NTRK1: variants seen among roughly 807,000 people sequenced by gnomAD.
The protein encoded by NTRK1 is high affinity nerve growth factor receptor.
Under a neutral mutation model 86.8 loss-of-function variants are expected in NTRK1, and 62 were observed. That is an observed-to-expected ratio of 0.71 (90% CI 0.58 to 0.88). The LOEUF is 0.88. Among genes scored for constraint, NTRK1 ranks in the 40% least tolerant of loss-of-function variants. The pLI, the probability that NTRK1 is intolerant of heterozygous loss-of-function variation, is 0.00. For missense variants in NTRK1, 967 were observed against 1,078.4 expected (o/e 0.90, Z 1.45); for synonymous variants, 469 against 456.6 (o/e 1.03, Z -0.35).
intron 7 of NTRK1, among the ~76,000 whole-genome samples, chr1:156,873,354 C>A (rs1173320631): frequency 1.3e-5 from 2 of 152,152 alleles, no homozygotes; most frequent in Admixed American, 6.5e-5. Flanking sequence ...AAGCTGATAC[C>A]CCACTCCTGT....
chr1:156,858,145 TC>T (rs1160589467), upstream of NTRK1, among the ~76,000 whole-genome samples: 2 of 152,184 alleles, frequency 1.3e-5, no homozygotes, highest in African/African-American at 4.8e-5. Context: ...CAACATTGCC[TC>T]CATTACTTAA....
At position 156,879,908 on chromosome 1, in the gene NTRK1, A is replaced by G. The variant is rs151288310; in HGVS notation, c.2047-91A>G. 3,703 of 1,531,068 alleles carry G rather than the reference A, an allele frequency of 2.4e-3. 79 individuals carry two copies. In the African/African-American group the frequency reaches 0.045, roughly 19 times the overall value. 94.8% of individuals were successfully genotyped at this position (1,531,068 alleles called of 1,614,324 possible). A position where few individuals can be genotyped will look rare whatever the true frequency, so the allele number is the denominator to read the frequency against. ...CAGGCGTGAACCACCGAGCTTGTGT[A>G]TTTATTTTTAATGATGGGGCTGGGG... is the stretch of plus-strand genomic sequence containing the variant. On this transcript the variant is annotated intron_variant, in intron 15 of 16. Transcript: ENST00000524377.
intron 1 of NTRK1, chr1:156,815,888 C>A (rs1653863344): frequency 6.2e-7 from 1 of 1,613,652 alleles, no homozygotes; most frequent in East Asian, 2.2e-5. Context: ...CGTTGGCAGA[C>A]CCGGATCATT....
At chr1:156,860,736 G>A, upstream of NTRK1, 2 of 1,059,078 alleles carry the variant, frequency 1.9e-6, no homozygotes, top group Non-Finnish European at 2.5e-6. Context: ...AGGGGAGGGG[G>A]CAGAGGGGGG....
Position 156,849,158 on chromosome 1 carries a change from A to G in NTRK1, c.50+6965A>G, listed in dbSNP as rs551457654. 4 of 1,599,898 alleles carry G rather than the reference A, an allele frequency of 2.5e-6. No individual in the cohort carries two copies. In the Admixed American group the frequency reaches 6.7e-5, roughly 27 times the overall value. ...GAGACCTCTGAGGAGAACTTCTCAG[A>G]GTGTCCCCCTCGAGCTTTCTCCCTC... On this transcript the variant is annotated intron_variant, in intron 2 of 16. Coordinates refer to the NTRK1 transcript ENST00000392302.
intron 6 of NTRK1, among the ~76,000 whole-genome samples, chr1:156,870,882 A>G (rs528511506): frequency 1.7e-4 from 26 of 152,246 alleles, no homozygotes; most frequent in Non-Finnish European, 3.4e-4. Flanking sequence ...TTTCCTAGGA[A>G]GAGAAACTTG....
At chr1:156,864,451 G>T in intron 2 of NTRK1, 23 bp downstream of exon 2, 3 of 1,611,180 alleles carry the variant, frequency 1.9e-6, no homozygotes, top group East Asian at 2.2e-5. Flanking sequence ...GGGACTGTGG[G>T]TGTGGAGCTC....
chr1:156,842,301 A>G (rs1248223375), intron 2 of NTRK1: 3 of 1,613,742 alleles, frequency 1.9e-6, no homozygotes, highest in Non-Finnish European at 1.7e-6. Flanking sequence ...CTGGTGAGGA[A>G]GGAACCCAGA....
intron 3 of NTRK1, 125 bp from the exon 4 acceptor site, chr1:156,866,785 T>G (rs1655953315): frequency 1.5e-5 from 11 of 738,574 alleles, no homozygotes; most frequent in East Asian, 1.0e-4. Flanking sequence ...CTGGTTCTGG[T>G]TGCCTAGGCC....
At chr1:156,826,881 A>T (rs1211214736) in intron 1 of NTRK1, among the ~76,000 whole-genome samples, 2 of 152,238 alleles carry the variant, frequency 1.3e-5, no homozygotes, top group South Asian at 2.1e-4. Context: ...TAGATTTCAC[A>T]TAATGCCTTT....
intron 1 of NTRK1, among the ~76,000 whole-genome samples, chr1:156,839,052 C>T (rs888438449): frequency 6.6e-6 from 1 of 152,220 alleles, no homozygotes; most frequent in African/African-American, 2.4e-5. Flanking sequence ...CCCTTAGCTG[C>T]GGTTCTGCTG....
At chr1:156,857,348 C>T (rs977148867), upstream of NTRK1, among the ~76,000 whole-genome samples, 2 of 152,244 alleles carry the variant, frequency 1.3e-5, no homozygotes, top group African/African-American at 2.4e-5. Context: ...CACTTCCCAT[C>T]ATGCCCCTGC....
intron 6 of NTRK1, among the ~76,000 whole-genome samples, chr1:156,870,124 A>G (rs1248904910): frequency 6.6e-6 from 1 of 152,244 alleles, no homozygotes; most frequent in Non-Finnish European, 1.5e-5. Context: ...AAAGGGGACC[A>G]GGCAGAGGCC....
intron 2 of NTRK1, chr1:156,844,260 G>A (rs983104346): frequency 6.1e-5 from 98 of 1,613,428 alleles, no homozygotes; most frequent in Admixed American, 1.2e-4. Flanking sequence ...AGGACATGCA[G>A]CCCCCCAGCA....
intron 6 of NTRK1, among the ~76,000 whole-genome samples, 168 bp downstream of exon 6, chr1:156,868,815 C>A (rs1210134567): frequency 6.6e-6 from 1 of 152,174 alleles, no homozygotes; most frequent in East Asian, 1.9e-4. Flanking sequence ...GGCCTATGCT[C>A]TGGGGCAGCC....
At chr1:156,860,604 C>A (rs1250859111), upstream of NTRK1, among the ~76,000 whole-genome samples, 14 of 152,224 alleles carry the variant, frequency 9.2e-5, no homozygotes, top group Non-Finnish European at 2.1e-4. Context: ...AGAGAAATAA[C>A]GTATCAGCTT....
intron 2 of NTRK1, among the ~76,000 whole-genome samples, chr1:156,847,845 A>G (rs1479330914): frequency 6.6e-6 from 1 of 152,012 alleles, no homozygotes; most frequent in Non-Finnish European, 1.5e-5. Context: ...AGCTTGTTGA[A>G]GGGTTCCCAA....
chr1:156,880,246 G>T (rs1648179172), intron 16 of NTRK1, 89 bp downstream of exon 16: 1 of 1,434,294 alleles, frequency 7.0e-7, no homozygotes, highest in Non-Finnish European at 9.7e-7. Context: ...TTCCCCTTCT[G>T]CCCCTCTGCC....
chr1:156,869,269 A>G (rs900056940), intron 6 of NTRK1, among the ~76,000 whole-genome samples: 1 of 152,078 alleles, frequency 6.6e-6, no homozygotes, highest in Admixed American at 6.6e-5. Context: ...TAGTAGAGAC[A>G]GGGTTTCACT....
Sources: allele counts gnomAD v4.1 joint callset (sites outside exome capture counted in the v4.1 genomes callset), GRCh38; gene constraint gnomAD v4.1.1; transcripts MANE v1.5; gene names NCBI Gene and HGNC (gene_info 2026-07-23, HGNC 2026-07-21).